Variants in DYNC2H1 observed in about 807,000 individuals in gnomAD.
DYNC2H1 encodes cytoplasmic dynein 2 heavy chain 1.
DYNC2H1 carries 410 observed loss-of-function variants against 570.0 expected under a neutral mutation model. The ratio of observed to expected loss-of-function variants is 0.72; its 90% CI spans 0.66 to 0.78. The LOEUF (loss-of-function observed/expected upper bound fraction) is 0.78, where lower values mean the gene tolerates loss of function less well. DYNC2H1 is among the 30% of genes least tolerant of loss of function. The pLI is 0.00. For synonymous variants in DYNC2H1, 1,688 were observed against 1,677.6 expected, an observed-to-expected ratio of 1.01 and a Z score of -0.15; for missense variants, 4,865 against 5,046.4, an observed-to-expected ratio of 0.96 and a Z score of 1.09.
intron 82 of DYNC2H1, among the ~76,000 whole-genome samples, chr11:103,333,450 A>G (rs913947927): frequency 1.2e-4 from 18 of 152,110 alleles, no homozygotes; most frequent in African/African-American, 4.1e-4. Flanking sequence ...TTTTTAGTAG[A>G]GACAGGGGTT....
chr11:103,251,273 T>C (rs919200289), intron 65 of DYNC2H1, among the ~76,000 whole-genome samples: 4 of 152,136 alleles, frequency 2.6e-5, no homozygotes, highest in Non-Finnish European at 5.9e-5. Flanking sequence ...TATGAAATGT[T>C]CTTCTTTATC....
intron 85 of DYNC2H1, among the ~76,000 whole-genome samples, chr11:103,449,141 G>A (rs1944517486): frequency 1.3e-5 from 2 of 152,088 alleles, no homozygotes; most frequent in African/African-American, 4.8e-5. Context: ...CAAGTGCCAT[G>A]GCCTGAGGCA....
At position 103,220,607 on chromosome 11, in the gene DYNC2H1, C is replaced by T; in HGVS notation, c.8947-16C>T. 1 of 1,561,724 alleles carries T rather than the reference C, an allele frequency of 6.4e-7. No homozygotes were observed. Among genetic ancestry groups the T allele is most frequent in the Non-Finnish European group, 8.6e-7 (1 of 1,156,488 alleles). The stretch of plus-strand genomic sequence containing the variant: ...ATATATAATTTGAAGATAAAAATGG[C>T]CTTTTTCTCTTTTAGCCTTTAGTCA... On this transcript the variant is annotated splice_polypyrimidine_tract_variant and intron_variant, in intron 56 of 88. Transcript: ENST00000375735.
intron 53 of DYNC2H1, among the ~76,000 whole-genome samples, chr11:103,211,201 A>G (rs1017168990): frequency 7.1e-4 from 1 of 1,416 alleles, no homozygotes; most frequent in African/African-American, 3.4e-3. Flanking sequence ...GAAAGAGTCG[A>G]GGATGTTTTT....
At position 103,472,802 on chromosome 11, in the gene DYNC2H1, A is replaced by AGAACTTTGGTAACTAAACTTTT. The variant is rs1228766804; in HGVS notation, c.12765+4098_12765+4119dup. Among the ~76,000 whole-genome samples, 1 of 152,202 alleles carries AGAACTTTGGTAACTAAACTTTT rather than the reference A, an allele frequency of 6.6e-6. No individual in the cohort carries two copies. The highest frequency in any genetic ancestry group is 2.4e-5 in the African/African-American group (1 of 41,448). ...TTATTATATGATAATAATAAAATTC[A>AGAACTTTGGTAACTAAACTTTT]GAACTTTGGTAACTAAACTTTTTTT... On this transcript the variant is annotated intron_variant, in intron 88 of 88. Transcript: ENST00000375735. The surrounding 1 kb of genome is among the most constrained non-coding windows in gnomAD (Gnocchi z 4.1).
intron 84 of DYNC2H1, among the ~76,000 whole-genome samples, chr11:103,433,185 ATTT>A: frequency 6.6e-6 from 1 of 152,194 alleles, no homozygotes; most frequent in African/African-American, 2.4e-5. Context: ...TTCTCTACAT[ATTT>A]AACACTATGA....
At chr11:103,459,170 G>A (rs313866) in intron 87 of DYNC2H1, among the ~76,000 whole-genome samples, 3,611 of 149,184 alleles carry the variant, frequency 0.024, 155 homozygotes, top group African/African-American at 0.083. Flanking sequence ...TTAGCCGGGC[G>A]TAGTGGCGGG....
At chr11:103,318,814 C>T (rs899786869) in intron 80 of DYNC2H1, among the ~76,000 whole-genome samples, 1 of 151,968 alleles carries the variant, frequency 6.6e-6, no homozygotes, top group Non-Finnish European at 1.5e-5. Context: ...ATGTAACTTG[C>T]CCAAAATAAA....
intron 17 of DYNC2H1, among the ~76,000 whole-genome samples, chr11:103,140,427 C>T (rs1035448831): frequency 2.6e-5 from 4 of 152,072 alleles, no homozygotes; most frequent in Non-Finnish European, 5.9e-5. Flanking sequence ...AATCTCTCAG[C>T]ATTTGCTTGT....
At chr11:103,314,643 C>G (rs1374232822) in intron 79 of DYNC2H1, among the ~76,000 whole-genome samples, 1 of 151,440 alleles carries the variant, frequency 6.6e-6, no homozygotes, top group African/African-American at 2.4e-5. Flanking sequence ...ATTCACTTTC[C>G]CACAAAAAAA....
intron 83 of DYNC2H1, among the ~76,000 whole-genome samples, chr11:103,374,981 C>T (rs1036680899): frequency 2.0e-4 from 30 of 152,168 alleles, no homozygotes; most frequent in African/African-American, 6.8e-4. Flanking sequence ...CATGGCAGCC[C>T]CTCCCTTCAC....
intron 59 of DYNC2H1, among the ~76,000 whole-genome samples, chr11:103,226,399 A>C (rs531039712): frequency 6.6e-6 from 1 of 151,974 alleles, no homozygotes; most frequent in African/African-American, 2.4e-5. Flanking sequence ...TTCTGTGCCA[A>C]TTTTGCTGAA....
At position 103,189,569 on chromosome 11, in the gene DYNC2H1, T is replaced by C; in HGVS notation, c.7293-103T>C. On this transcript the variant is annotated intron_variant, in intron 44 of 88. Transcript: ENST00000375735. The surrounding 1 kb of genome is among the most constrained non-coding windows in gnomAD (Gnocchi z 4.3). Reference sequence around the variant, plus strand: ...GTAAGCTTTGGAGATATGTAGGTCTTAGAGCAGCACAGTTTCAAAACCACT... The same window carrying C: ...GTAAGCTTTGGAGATATGTAGGTCTCAGAGCAGCACAGTTTCAAAACCACT... The C allele has an allele frequency of 2.6e-6, 3 of 1,147,544 alleles. No individual in the cohort carries two copies. Among genetic ancestry groups the C allele is most frequent in the Non-Finnish European group, 2.5e-6 (2 of 803,458 alleles). 71.1% of individuals were successfully genotyped at this position (1,147,544 alleles called of 1,614,324 possible). A position where few individuals can be genotyped will look rare whatever the true frequency, so the allele number is the denominator to read the frequency against.
intron 19 of DYNC2H1, 66 bp downstream of exon 19, chr11:103,147,953 T>A: frequency 8.8e-7 from 1 of 1,139,066 alleles, no homozygotes; most frequent in Non-Finnish European, 1.2e-6. Flanking sequence ...CTTTGATAGT[T>A]ATAAAATGTG....
rs534636893 is a variant in DYNC2H1, at chr11:103,120,929, T to C, written c.1253T>C (p.Leu418Pro). Residue 418 changes from leucine to proline, a missense_variant, in exon 9 of 89, where the codon CTT (leucine) becomes CCT (proline). Leu to Pro is a moderately conservative substitution (Grantham distance 98, BLOSUM62 -3). This residue lies in a region of DYNC2H1 where 1,936 missense variants were observed against 1,962.1 expected (regional missense o/e 0.99). Transcript: ENST00000375735. ...SEIQDSPQQL[L>P]QAFLKYKELV... ...ACTTATTTTATTTTATATTAGCTTC[T>C]TCAAGCATTCCTGAAATATAAAGAG... 15 of 1,503,528 alleles carry C rather than the reference T, an allele frequency of 1.0e-5. No homozygotes were observed. In the African/African-American group the frequency reaches 2.1e-4, roughly 21 times the overall value. The allele number at this position is 1,503,528 out of a possible 1,614,324, so 93.1% of individuals were successfully genotyped here.
intron 10 of DYNC2H1, 137 bp downstream of exon 10, chr11:103,121,633 C>T: frequency 1.0e-6 from 1 of 958,460 alleles, no homozygotes; most frequent in Non-Finnish European, 1.5e-6. Flanking sequence ...ATACAAAATG[C>T]AGAACACTGA....
rs1195027177 is a variant in DYNC2H1, at chr11:103,446,287, G to A, written c.12457-8899G>A. Among the ~76,000 whole-genome samples the A allele has an allele frequency of 6.6e-6, 1 of 152,160 alleles. No homozygotes were observed. Among genetic ancestry groups the A allele is most frequent in the African/African-American group, 2.4e-5 (1 of 41,450 alleles). On this transcript the variant is annotated intron_variant, in intron 85 of 88. Coordinates refer to ENST00000375735, the MANE Select transcript of DYNC2H1 (RefSeq NM_001377.3). This position sits in a 1 kb window ranked among gnomAD's most constrained non-coding sequence, Gnocchi z 4.5. Reference sequence around the variant, plus strand: ...TGGCACTGGTGCACTTCAATATTGAGATGTTTAGAAAAGGAAAAGTTGTCC... The same window carrying A: ...TGGCACTGGTGCACTTCAATATTGAAATGTTTAGAAAAGGAAAAGTTGTCC...
intron 29 of DYNC2H1, among the ~76,000 whole-genome samples, chr11:103,161,423 GT>G (rs1392888186): frequency 1.3e-5 from 2 of 152,042 alleles, no homozygotes; most frequent in Non-Finnish European, 2.9e-5. Context: ...GACCAGAAGT[GT>G]TTCAGATTTC....
chr11:103,129,136 C>A lies in DYNC2H1; in HGVS notation c.1953+131C>A. On this transcript the variant is annotated intron_variant, in intron 13 of 88. Transcript: ENST00000375735. This position sits in a 1 kb window ranked among gnomAD's most constrained non-coding sequence, Gnocchi z 4.1. ...TTGTTTTGCTTCCAGGGACTTCCTT[C>A]AATCTTAGCAAGTAAAATTATTTTT... The A allele has an allele frequency of 1.5e-6, 1 of 649,406 alleles. No homozygotes were observed. Among genetic ancestry groups the A allele is most frequent in the South Asian group, 2.7e-5 (1 of 36,726 alleles). 40.2% of individuals were successfully genotyped at this position (649,406 alleles called of 1,614,324 possible).
Sources: allele counts gnomAD v4.1 joint callset (sites outside exome capture counted in the v4.1 genomes callset), GRCh38; gene constraint gnomAD v4.1.1; regional missense constraint gnomAD v4.1.1; non-coding constraint Gnocchi (gnomAD v3.1); transcripts MANE v1.5; gene names NCBI Gene and HGNC (gene_info 2026-07-23, HGNC 2026-07-21).